MARCHF1: variants seen among roughly 807,000 people sequenced by gnomAD.
MARCHF1 encodes E3 ubiquitin-protein ligase MARCHF1.
In MARCHF1, 40 loss-of-function variants were observed where a neutral mutation model predicts 54.2. The observed-to-expected ratio is 0.74, with a 90% CI of 0.57 to 0.96. The LOEUF (loss-of-function observed/expected upper bound fraction) is 0.96, where lower values mean the gene tolerates loss of function less well. MARCHF1 is among the 40% of genes least tolerant of loss of function. The probability of loss-of-function intolerance (pLI) is 0.00; values close to 1 mark genes in which losing one functional copy is unlikely to be tolerated. For synonymous variants in MARCHF1, 236 were observed against 236.3 expected, an observed-to-expected ratio of 1.00 and a Z score of 0.01; for missense variants, 586 against 656.5, an observed-to-expected ratio of 0.89 and a Z score of 1.17.
intron 3 of MARCHF1, among the ~76,000 whole-genome samples, chr4:163,861,542 T>C (rs1321105400): frequency 6.6e-6 from 1 of 152,104 alleles, no homozygotes; most frequent in Non-Finnish European, 1.5e-5. Flanking sequence ...ACAGGATTTA[T>C]ATAAAAAACT....
chr4:163,875,852 C>T (rs1423081829), intron 3 of MARCHF1, among the ~76,000 whole-genome samples: 1 of 151,872 alleles, frequency 6.6e-6, no homozygotes, highest in Non-Finnish European at 1.5e-5. Context: ...ATCAGGGGTA[C>T]CAAAGAGAGG....
intron 5 of MARCHF1, among the ~76,000 whole-genome samples, chr4:163,639,274 G>C (rs1742469107): frequency 6.6e-6 from 1 of 152,098 alleles, no homozygotes; most frequent in Non-Finnish European, 1.5e-5. Flanking sequence ...ATATCAGGTT[G>C]TAATTTTTAT....
In MARCHF1 at chr4:163,584,844, T is replaced by TA. The variant is rs1289469539; in HGVS notation, c.1191+904dup. 4 of 151,412 alleles carry TA rather than the reference T, an allele frequency of 2.6e-5. No homozygotes were observed. The East Asian group carries it at 6.0e-4, about 23-fold the overall frequency. 9.4% of individuals were successfully genotyped at this position (151,412 alleles called of 1,614,324 possible). A position where few individuals can be genotyped will look rare whatever the true frequency, so the allele number is the denominator to read the frequency against. ...ACTTTTGCTTTGCATTCAATTTAAA[T>TA]AAAAAAAGCAACTCTGGGATGATTC... On this transcript the variant is annotated intron_variant, in intron 8 of 9. Coordinates refer to ENST00000514618, the MANE Select transcript of MARCHF1 (RefSeq NM_001394959.1).
At chr4:164,277,067 A>G (rs1422645900) in intron 1 of MARCHF1, among the ~76,000 whole-genome samples, 1 of 151,678 alleles carries the variant, frequency 6.6e-6, no homozygotes, top group African/African-American at 2.4e-5. Flanking sequence ...TTGCTTCATC[A>G]TGCCTGTTTG....
At chr4:163,715,632 G>A (rs1443774457) in intron 4 of MARCHF1, among the ~76,000 whole-genome samples, 1 of 152,022 alleles carries the variant, frequency 6.6e-6, no homozygotes, top group Non-Finnish European at 1.5e-5. Flanking sequence ...AATCTCAGTG[G>A]AAATTACTGA....
At chr4:163,674,067 T>G (rs1256930988) in intron 5 of MARCHF1, among the ~76,000 whole-genome samples, 4 of 152,180 alleles carry the variant, frequency 2.6e-5, no homozygotes, top group Non-Finnish European at 5.9e-5. Context: ...ATCTTTAAAA[T>G]CCTTTTAAGC....
At chr4:164,121,028 G>A (rs1414293930) in intron 1 of MARCHF1, among the ~76,000 whole-genome samples, 1 of 151,408 alleles carries the variant, frequency 6.6e-6, no homozygotes, top group Non-Finnish European at 1.5e-5. Context: ...AAAATATCAA[G>A]GAAACAAAAA....
intron 3 of MARCHF1, among the ~76,000 whole-genome samples, chr4:163,960,022 T>A (rs1752315579): frequency 6.6e-6 from 1 of 151,936 alleles, no homozygotes; most frequent in Non-Finnish European, 1.5e-5. Context: ...TTTCAAAAGA[T>A]AATATACATG....
intron 5 of MARCHF1, among the ~76,000 whole-genome samples, chr4:163,615,664 C>G (rs993688303): frequency 6.6e-6 from 1 of 152,060 alleles, no homozygotes; most frequent in African/African-American, 2.4e-5. Context: ...AAGCAATCTA[C>G]AGTTTCAGTG....
At chr4:163,718,388 T>G (rs1036638156) in intron 4 of MARCHF1, among the ~76,000 whole-genome samples, 16 of 152,036 alleles carry the variant, frequency 1.1e-4, no homozygotes, top group Admixed American at 4.6e-4. Flanking sequence ...GGGAGAAAAT[T>G]TTTGCAATCT....
chr4:164,031,109 T>C (rs977843266), intron 2 of MARCHF1, among the ~76,000 whole-genome samples: 1 of 152,200 alleles, frequency 6.6e-6, no homozygotes, highest in African/African-American at 2.4e-5. Context: ...AATACTCTGA[T>C]GCATAGGAGT....
intron 4 of MARCHF1, among the ~76,000 whole-genome samples, chr4:163,722,424 T>C (rs1409834882): frequency 6.6e-6 from 1 of 152,228 alleles, no homozygotes; most frequent in Non-Finnish European, 1.5e-5. Flanking sequence ...TTCTTTTACA[T>C]CTGCTGAGGA....
chr4:164,321,224 T>C (rs900217401), intron 1 of MARCHF1, among the ~76,000 whole-genome samples: 22 of 152,160 alleles, frequency 1.4e-4, no homozygotes, highest in Non-Finnish European at 1.5e-4. Flanking sequence ...AAAAATATAC[T>C]GTGAGAATAC....
intron 2 of MARCHF1, among the ~76,000 whole-genome samples, chr4:164,071,432 AAATT>A (rs146260275): frequency 0.019 from 2,912 of 152,226 alleles, 79 homozygotes; most frequent in African/African-American, 0.065. Flanking sequence ...TTTGAAATAA[AAATT>A]AATAGTGATT....
chr4:163,583,127 G>T (rs1240657895), intron 8 of MARCHF1, among the ~76,000 whole-genome samples: 1 of 152,178 alleles, frequency 6.6e-6, no homozygotes, highest in East Asian at 1.9e-4. Flanking sequence ...GATGGCACAA[G>T]GACTCAGGAT....
At chr4:163,910,773 G>A (rs535865182) in intron 3 of MARCHF1, among the ~76,000 whole-genome samples, 20 of 152,144 alleles carry the variant, frequency 1.3e-4, no homozygotes, top group South Asian at 4.1e-4. Context: ...TTGGGATTAC[G>A]GGCGTGAGCC....
Position 164,176,558 on chromosome 4 carries a change from T to A in MARCHF1, c.-322-64896A>T, listed in dbSNP as rs577677542. On this transcript the variant is annotated intron_variant, in intron 1 of 9. Transcript: ENST00000514618. ...ATTAACTCCCTAGTGACAAAAACGA[T>A]ACAGGAGTACAGAATTATGAAATCA... Among the ~76,000 whole-genome samples the A allele has an allele frequency of 1.8e-4, 27 of 152,246 alleles. 1 individual carries two copies. Among genetic ancestry groups the A allele is most frequent in the African/African-American group, 6.5e-4 (27 of 41,562 alleles).
At chr4:164,309,153 T>A (rs1734776396) in intron 1 of MARCHF1, among the ~76,000 whole-genome samples, 1 of 151,924 alleles carries the variant, frequency 6.6e-6, no homozygotes, top group Non-Finnish European at 1.5e-5. Context: ...GCTCTGGACA[T>A]TTAAAAATAA....
Position 164,087,864 on chromosome 4 carries a change from A to G in MARCHF1, c.-248+23724T>C, listed in dbSNP as rs571108646. ...TCTGTGCATTTCCAAGCTAAAATACATAAAACCCAGCTGGAATCTGTCATG... is the reference window on the plus strand; with the variant it reads ...TCTGTGCATTTCCAAGCTAAAATACGTAAAACCCAGCTGGAATCTGTCATG... On this transcript the variant is annotated intron_variant, in intron 2 of 9. Transcript: ENST00000514618. Among the ~76,000 whole-genome samples, 188 of 151,934 alleles carry G rather than the reference A, an allele frequency of 1.2e-3. 1 individual carries two copies. Among genetic ancestry groups the G allele is most frequent in the Non-Finnish European group, 2.2e-3 (149 of 67,976 alleles).
Sources: gnomAD v4.1 joint callset for allele counts (sites outside exome capture counted in the v4.1 genomes callset) on GRCh38, gnomAD v4.1.1 for gene constraint, MANE v1.5 for transcripts, NCBI Gene and HGNC (gene_info 2026-07-23, HGNC 2026-07-21) for gene names.